DOCK4: variants seen among roughly 807,000 people sequenced by gnomAD.
DOCK4 encodes the protein dedicator of cytokinesis 4, also known as dedicator of cytokinesis protein 4.
DOCK4 carries 97 observed loss-of-function variants against 268.1 expected under a neutral mutation model. The observed-to-expected ratio is 0.36, with a 90% CI of 0.31 to 0.43. The LOEUF is 0.43. Among genes scored for constraint, DOCK4 ranks in the 20% least tolerant of loss-of-function variants. The pLI is 1.00. For missense variants in DOCK4, 2,145 were observed against 2,455.7 expected (o/e 0.87, Z 2.67); for synonymous variants, 954 against 887.2 (o/e 1.08, Z -1.34).
intron 1 of DOCK4, among the ~76,000 whole-genome samples, chr7:112,083,115 TATAA>T (rs753075820): frequency 1.4e-4 from 21 of 152,228 alleles, no homozygotes; most frequent in Non-Finnish European, 2.8e-4. Context: ...ACATAAATTT[TATAA>T]ATAATCCCTT....
chr7:111,947,092 G>A (rs1795679237), intron 8 of DOCK4, among the ~76,000 whole-genome samples: 1 of 152,198 alleles, frequency 6.6e-6, no homozygotes, highest in African/African-American at 2.4e-5. Context: ...GTAAAATGCT[G>A]TAGCTTTGGT....
chr7:111,867,307 C>T (rs1169919450), intron 22 of DOCK4, among the ~76,000 whole-genome samples: 1 of 152,152 alleles, frequency 6.6e-6, no homozygotes, highest in Non-Finnish European at 1.5e-5. Context: ...TAAGAGGCTG[C>T]TTCTCCTTCT....
rs200874104 is a variant in DOCK4, at chr7:111,977,280, C to G, written c.553G>C (p.Glu185Gln). ...GTGTCTTTCTTCCGATGTCGATGTT[C>G]CATCTGAATGACACCCCCCAACAAA... Reference protein sequence around the residue: ...ISITELYRLMEHRHRKKDTPV... With the variant: ...ISITELYRLMQHRHRKKDTPV... The change falls in exon 8 of 53, where the codon GAA becomes CAA. Residue 185 changes from glutamate to glutamine, a missense_variant. Glu to Gln is a conservative substitution (Grantham distance 29). Transcript: ENST00000428084. 1.2e-5 allele frequency: 19 copies of G among 1,592,850 alleles called. No individual in the cohort carries two copies.
At chr7:111,825,062 T>C (rs1310199769) in intron 26 of DOCK4, among the ~76,000 whole-genome samples, 2 of 152,202 alleles carry the variant, frequency 1.3e-5, no homozygotes, top group African/African-American at 4.8e-5. Flanking sequence ...CTTGGCAATT[T>C]GTTTAACCTC....
chr7:111,904,441 T>C (rs1791393210), intron 13 of DOCK4, among the ~76,000 whole-genome samples: 1 of 151,888 alleles, frequency 6.6e-6, no homozygotes, highest in Non-Finnish European at 1.5e-5. Flanking sequence ...TGAATGGGGA[T>C]GGAGGGAGAG....
intron 8 of DOCK4, among the ~76,000 whole-genome samples, chr7:111,974,494 G>A (rs200663745): frequency 4.5e-5 from 2 of 44,194 alleles, no homozygotes; most frequent in East Asian, 1.1e-3. Flanking sequence ...GAAGAGGGAT[G>A]TGTGTGTGTG....
chr7:111,876,954 T>C, intron 17 of DOCK4, 76 bp downstream of exon 17: 1 of 1,221,122 alleles, frequency 8.2e-7, no homozygotes, highest in Non-Finnish European at 1.1e-6. Flanking sequence ...ATCACTTTGG[T>C]GTTTACTGAA....
chr7:111,740,265 A>C, intron 47 of DOCK4: 1 of 282,104 alleles, frequency 3.5e-6, no homozygotes, highest in South Asian at 2.7e-5. Context: ...ATGCCCGGCT[A>C]ATTTTTGTAT....
intron 1 of DOCK4, among the ~76,000 whole-genome samples, chr7:112,143,048 G>A (rs1815083748): frequency 6.6e-6 from 1 of 151,936 alleles, no homozygotes; most frequent in Non-Finnish European, 1.5e-5. Context: ...TTATAATTAT[G>A]TAAAATGCTT....
intron 36 of DOCK4, among the ~76,000 whole-genome samples, chr7:111,770,238 A>G (rs1453932184): frequency 6.7e-6 from 1 of 149,312 alleles, no homozygotes; most frequent in East Asian, 1.9e-4. Flanking sequence ...AAAAAAAAAA[A>G]AAGAAAAAGA....
chr7:111,998,376 T>C, intron 4 of DOCK4, 72 bp downstream of exon 4: 2 of 1,184,416 alleles, frequency 1.7e-6, no homozygotes, highest in East Asian at 2.6e-5. Context: ...ACAATTACTA[T>C]GCCTTTCAAA....
chr7:111,890,483 C>G (rs1043295901), intron 16 of DOCK4, among the ~76,000 whole-genome samples: 1 of 152,120 alleles, frequency 6.6e-6, no homozygotes, highest in African/African-American at 2.4e-5. Flanking sequence ...CTAATGATAA[C>G]TAAGTTATTT....
At chr7:111,919,114 C>CA (rs1306145074) in intron 12 of DOCK4, among the ~76,000 whole-genome samples, 1 of 140,284 alleles carries the variant, frequency 7.1e-6, no homozygotes, top group African/African-American at 2.8e-5. Flanking sequence ...TTAAAAAAAA[C>CA]AAAAACAAAA....
chr7:111,732,554 T>C, intron 51 of DOCK4: 1 of 485,722 alleles, frequency 2.1e-6, no homozygotes, highest in South Asian at 2.5e-5. Context: ...GTTCCCAAAC[T>C]GATCCAATGT....
intron 1 of DOCK4, among the ~76,000 whole-genome samples, chr7:112,178,023 A>C (rs1326443357): frequency 6.6e-6 from 1 of 152,180 alleles, no homozygotes; most frequent in South Asian, 2.1e-4. Context: ...CAATCCAATA[A>C]ACAAATTGTA....
At chr7:112,148,591 A>G (rs536090151) in intron 1 of DOCK4, among the ~76,000 whole-genome samples, 3 of 152,294 alleles carry the variant, frequency 2.0e-5, no homozygotes, top group African/African-American at 7.2e-5. Flanking sequence ...CACATTTCAA[A>G]TACAACCATT....
intron 8 of DOCK4, among the ~76,000 whole-genome samples, chr7:111,954,970 G>A (rs1272574889): frequency 1.3e-5 from 2 of 152,128 alleles, no homozygotes; most frequent in African/African-American, 4.8e-5. Context: ...AAAGCTTCCT[G>A]TTTGTTTAAA....
At chr7:112,030,699 C>G (rs138307865) in intron 1 of DOCK4, among the ~76,000 whole-genome samples, 1 of 152,062 alleles carries the variant, frequency 6.6e-6, no homozygotes, top group Admixed American at 6.6e-5. Context: ...AAGCCTAGAG[C>G]CACATGGACA....
chr7:111,874,482 T>C (rs1030912853), intron 17 of DOCK4, among the ~76,000 whole-genome samples: 1 of 152,202 alleles, frequency 6.6e-6, no homozygotes, highest in African/African-American at 2.4e-5. Flanking sequence ...ACACTGCTCA[T>C]GATGGAGCAT....
Sources: gnomAD v4.1 joint callset for allele counts (sites outside exome capture counted in the v4.1 genomes callset) on GRCh38, gnomAD v4.1.1 for gene constraint, MANE v1.5 for transcripts, NCBI Gene and HGNC (gene_info 2026-07-23, HGNC 2026-07-21) for gene names.